Variants in RBFOX1 observed in about 807,000 individuals in gnomAD.
The protein encoded by RBFOX1 is RNA binding protein fox-1 homolog 1.
In RBFOX1, 8 loss-of-function variants were observed where a neutral mutation model predicts 57.7. The ratio of observed to expected loss-of-function variants is 0.14; its 90% confidence interval spans 0.08 to 0.25. RBFOX1 has a LOEUF of 0.25. RBFOX1 is among the 10% of genes least tolerant of loss of function. The probability of loss-of-function intolerance (pLI) is 1.00; values close to 1 mark genes in which losing one functional copy is unlikely to be tolerated. For missense variants in RBFOX1, 611 were observed against 548.5 expected, an observed-to-expected ratio of 1.11 and a Z score of -1.14; for synonymous variants, 326 against 222.4, an observed-to-expected ratio of 1.47 and a Z score of -4.15.
At chr16:5,885,319 T>TAA (rs58317550) in intron 4 of RBFOX1, among the ~76,000 whole-genome samples, 48 of 124,986 alleles carry the variant, frequency 3.8e-4, no homozygotes, top group Non-Finnish European at 3.7e-4. Context: ...CCTGGAGGCT[T>TAA]AAAAAAAAAA....
At chr16:6,526,280 G>T (rs989896656) in intron 2 of RBFOX1, among the ~76,000 whole-genome samples, 5 of 152,184 alleles carry the variant, frequency 3.3e-5, no homozygotes, top group Non-Finnish European at 5.9e-5. Context: ...CTATCGTGCT[G>T]TTATGATTGG....
At chr16:6,872,355 T>C (rs565354326) in intron 3 of RBFOX1, among the ~76,000 whole-genome samples, 2 of 152,206 alleles carry the variant, frequency 1.3e-5, no homozygotes. Flanking sequence ...TTCTCTCTTT[T>C]TCTCTTTCTC....
intron 4 of RBFOX1, among the ~76,000 whole-genome samples, chr16:7,236,189 A>G (rs2093757406): frequency 6.6e-6 from 1 of 152,204 alleles, no homozygotes; most frequent in African/African-American, 2.4e-5. Flanking sequence ...CATATTTAAT[A>G]TATAAAAATC....
chr16:6,527,457 C>A (rs569843881), intron 2 of RBFOX1, among the ~76,000 whole-genome samples: 2 of 152,204 alleles, frequency 1.3e-5, no homozygotes, highest in Admixed American at 1.3e-4. Context: ...ATGTTGCCAG[C>A]CTGTGAAACA....
At chr16:7,322,867 G>T (rs571643942) in intron 4 of RBFOX1, among the ~76,000 whole-genome samples, 1 of 152,234 alleles carries the variant, frequency 6.6e-6, no homozygotes, top group African/African-American at 2.4e-5. Context: ...TCCTCCAGTG[G>T]TTATTCTTTC....
chr16:6,671,760 C>T (rs114811345), intron 3 of RBFOX1, among the ~76,000 whole-genome samples: 2,316 of 152,286 alleles, frequency 0.015, 36 homozygotes, highest in African/African-American at 0.049. Flanking sequence ...TAACAGTTTC[C>T]AGTCCCATCC....
intron 1 of RBFOX1, among the ~76,000 whole-genome samples, chr16:5,361,208 G>A (rs2065540622): frequency 6.6e-6 from 1 of 152,148 alleles, no homozygotes; most frequent in Non-Finnish European, 1.5e-5. Flanking sequence ...TCTTAATGGT[G>A]ATATGGTTCT....
intron 4 of RBFOX1, among the ~76,000 whole-genome samples, chr16:7,308,403 A>C (rs2142401322): frequency 6.6e-6 from 1 of 151,784 alleles, no homozygotes; most frequent in African/African-American, 2.4e-5. Context: ...TACTATTCTA[A>C]GAAAGCTTCT....
At chr16:7,214,276 A>G (rs1319131393) in intron 4 of RBFOX1, among the ~76,000 whole-genome samples, 9 of 152,118 alleles carry the variant, frequency 5.9e-5, no homozygotes, top group East Asian at 1.9e-4. Flanking sequence ...TCTTACGCAT[A>G]TGGGAGGAGA....
At chr16:6,071,210 G>A (rs149096468) in intron 1 of RBFOX1, among the ~76,000 whole-genome samples, 8 of 152,180 alleles carry the variant, frequency 5.3e-5, no homozygotes, top group African/African-American at 1.9e-4. Flanking sequence ...AGGACCAGCT[G>A]CTTGGGAGGC....
intron 3 of RBFOX1, among the ~76,000 whole-genome samples, chr16:5,805,938 G>A (rs2055210998): frequency 6.6e-6 from 1 of 152,200 alleles, no homozygotes; most frequent in Non-Finnish European, 1.5e-5. Flanking sequence ...GGGACAAATG[G>A]AGAAATCTGT....
At chr16:6,996,905 C>G (rs912885815) in intron 3 of RBFOX1, among the ~76,000 whole-genome samples, 31 of 152,090 alleles carry the variant, frequency 2.0e-4, no homozygotes, top group African/African-American at 6.5e-4. Flanking sequence ...GCTGATGGAA[C>G]TGAACTTTGC....
At position 6,780,328 on chromosome 16, in the gene RBFOX1, T is replaced by TAC. The variant is rs1567216034; in HGVS notation, c.-16+125679_-16+125680insCA. On this transcript the variant is annotated intron_variant, in intron 3 of 15. Coordinates refer to ENST00000550418, the MANE Select transcript of RBFOX1 (RefSeq NM_018723.4). ...ATATATATATTTATTCATATTTATA[T>TAC]ATATTTATACATATTTATATACATA... Among the ~76,000 whole-genome samples the TAC allele has an allele frequency of 1.2e-3, 107 of 89,236 alleles. 2 individuals carry two copies. The highest frequency in any genetic ancestry group is 2.9e-3 in the African/African-American group (54 of 18,496). The allele number at this position is 89,236 out of a possible 152,430, so 58.5% of individuals were successfully genotyped here. A position where few individuals can be genotyped will look rare whatever the true frequency, so the allele number is the denominator to read the frequency against.
intron 4 of RBFOX1, among the ~76,000 whole-genome samples, chr16:7,383,049 C>A (rs1013072212): frequency 6.6e-6 from 1 of 151,946 alleles, no homozygotes; most frequent in African/African-American, 2.4e-5. Context: ...AGAGAATTTT[C>A]TTTGGTATCT....
At chr16:6,949,306 A>C (rs1222464854) in intron 3 of RBFOX1, among the ~76,000 whole-genome samples, 2 of 152,330 alleles carry the variant, frequency 1.3e-5, no homozygotes, top group Non-Finnish European at 2.9e-5. Context: ...AAAGACATGT[A>C]CCAGTTAGTT....
At chr16:6,886,569 A>G (rs946435345) in intron 3 of RBFOX1, among the ~76,000 whole-genome samples, 1 of 151,904 alleles carries the variant, frequency 6.6e-6, no homozygotes, top group African/African-American at 2.4e-5. Context: ...CCTGGTCTAC[A>G]TGGTGAAACC....
chr16:7,295,840 A>G (rs2095877705), intron 4 of RBFOX1, among the ~76,000 whole-genome samples: 1 of 152,144 alleles, frequency 6.6e-6, no homozygotes, highest in South Asian at 2.1e-4. Context: ...TGATCCAACA[A>G]ATTCAATTCA....
At chr16:7,338,484 C>G (rs973077223) in intron 4 of RBFOX1, among the ~76,000 whole-genome samples, 2 of 152,160 alleles carry the variant, frequency 1.3e-5, no homozygotes, top group East Asian at 3.9e-4. Flanking sequence ...TAGCCTCGAA[C>G]TCCTGGTCTC....
At chr16:6,815,438 T>C (rs2154269969) in intron 3 of RBFOX1, among the ~76,000 whole-genome samples, 1 of 152,324 alleles carries the variant, frequency 6.6e-6, no homozygotes, top group East Asian at 1.9e-4. Context: ...GGAGTCACTC[T>C]GGTTCAAACA....
Sources: allele counts gnomAD v4.1 joint callset (sites outside exome capture counted in the v4.1 genomes callset), GRCh38; gene constraint gnomAD v4.1.1; transcripts MANE v1.5; gene names NCBI Gene and HGNC (gene_info 2026-07-23, HGNC 2026-07-21).